Variants in ZSWIM6 observed in about 807,000 individuals in gnomAD.
ZSWIM6 encodes zinc finger SWIM-type containing 6.
A neutral mutation model predicts 113.2 loss-of-function variants in ZSWIM6; 9 were observed. The ratio of observed to expected loss-of-function variants is 0.08; its 90% confidence interval spans 0.05 to 0.14. The LOEUF (loss-of-function observed/expected upper bound fraction) is 0.14. Ranked by LOEUF, ZSWIM6 falls within the 10% of genes least tolerant of loss-of-function variation. The pLI is 1.00. For synonymous variants in ZSWIM6, 611 were observed against 606.5 expected (o/e 1.01, Z -0.11); for missense variants, 1,162 against 1,552.2 (o/e 0.75, Z 4.22).
intron 1 of ZSWIM6, among the ~76,000 whole-genome samples, chr5:61,371,860 C>T (rs1271903708): frequency 2.0e-5 from 3 of 152,076 alleles, no homozygotes; most frequent in African/African-American, 7.2e-5. Flanking sequence ...ATTATCCTCC[C>T]TCACCTGAAT....
rs191143469 is a variant in ZSWIM6, at chr5:61,390,116, C to T, written c.676+57168C>T. Among the ~76,000 whole-genome samples the T allele has an allele frequency of 3.3e-4, 51 of 152,282 alleles. No homozygotes were observed. In the East Asian group the frequency reaches 4.6e-3, roughly 14 times the overall value. On this transcript the variant is annotated intron_variant, in intron 1 of 13. Coordinates refer to ENST00000252744, the MANE Select transcript of ZSWIM6 (RefSeq NM_020928.2). ...CCTGCCTATCTGCCTGCCAGCCAGT[C>T]GTCTGCCTGTCTACGTATACATCAC...
chr5:61,526,403 G>A lies in ZSWIM6; in HGVS notation c.1837+7G>A. On this transcript the variant is annotated splice_region_variant and intron_variant, in intron 7 of 13. Transcript: ENST00000252744. The stretch of plus-strand genomic sequence containing the variant: ...TTCCGAACCCAAAAAAAAGGTGAAT[G>A]TGAAGGAGTTTGTTTCCATTGGAAT... 1 of 1,551,932 alleles carries A rather than the reference G, an allele frequency of 6.4e-7. No individual in the cohort carries two copies. Among genetic ancestry groups the A allele is most frequent in the Non-Finnish European group, 8.7e-7 (1 of 1,146,954 alleles).
intron 7 of ZSWIM6, among the ~76,000 whole-genome samples, chr5:61,527,166 T>C (rs1749307834): frequency 6.6e-6 from 1 of 152,194 alleles, no homozygotes; most frequent in Non-Finnish European, 1.5e-5. Flanking sequence ...TTGAATTACA[T>C]GCACAAGACC....
At chr5:61,470,306 G>T (rs369582575) in intron 1 of ZSWIM6, among the ~76,000 whole-genome samples, 171 of 152,308 alleles carry the variant, frequency 1.1e-3, no homozygotes, top group African/African-American at 4.0e-3. Flanking sequence ...GTTTCCCCGT[G>T]CAAGTACATA....
chr5:61,379,220 A>C (rs1214754793), intron 1 of ZSWIM6, among the ~76,000 whole-genome samples: 2 of 151,696 alleles, frequency 1.3e-5, no homozygotes, highest in African/African-American at 2.4e-5. Context: ...GAATGTAAAA[A>C]GATAAATAAA....
At chr5:61,408,681 T>C (rs1746089349) in intron 1 of ZSWIM6, among the ~76,000 whole-genome samples, 1 of 152,242 alleles carries the variant, frequency 6.6e-6, no homozygotes, top group Admixed American at 6.5e-5. Context: ...AAGGGCATTA[T>C]GCAAGCTGTT....
In ZSWIM6 at chr5:61,527,349, G is replaced by T. The variant is rs557905452; in HGVS notation, c.1837+953G>T. On this transcript the variant is annotated intron_variant, in intron 7 of 13. Coordinates refer to ENST00000252744, the MANE Select transcript of ZSWIM6 (RefSeq NM_020928.2). ...GTTGCTGGGTTTTTGTTTTGGTTTT[G>T]GTTTTGGTTATATTTTTGTTTTTAA... is the stretch of plus-strand genomic sequence containing the variant. Among the ~76,000 whole-genome samples, 59 of 152,120 alleles carry T rather than the reference G, an allele frequency of 3.9e-4. 1 individual carries two copies. The highest frequency in any genetic ancestry group is 8.3e-4 in the South Asian group (4 of 4,814).
chr5:61,343,077 C>A (rs1027241488), intron 1 of ZSWIM6, among the ~76,000 whole-genome samples: 42 of 152,164 alleles, frequency 2.8e-4, no homozygotes, highest in African/African-American at 9.9e-4. Flanking sequence ...TTAAATATCT[C>A]ATTTTAAGGT....
chr5:61,391,224 C>T (rs1188848777), intron 1 of ZSWIM6: 1 of 899,344 alleles, frequency 1.1e-6, no homozygotes, highest in East Asian at 2.4e-5. Context: ...TGACGTCGAT[C>T]ATCTTGTCCT....
chr5:61,468,722 C>T (rs756805928), intron 1 of ZSWIM6, among the ~76,000 whole-genome samples: 2 of 152,100 alleles, frequency 1.3e-5, no homozygotes, highest in Non-Finnish European at 2.9e-5. Flanking sequence ...GGAACAGTGT[C>T]CTTGTTTGTC....
chr5:61,528,974 A>G (rs1469603307), intron 7 of ZSWIM6, among the ~76,000 whole-genome samples: 2 of 152,250 alleles, frequency 1.3e-5, no homozygotes, highest in Non-Finnish European at 2.9e-5. Flanking sequence ...GGCTCTTCAG[A>G]TATTTACATG....
intron 1 of ZSWIM6, among the ~76,000 whole-genome samples, chr5:61,402,613 A>G (rs1745961031): frequency 6.6e-6 from 1 of 152,200 alleles, no homozygotes; most frequent in Non-Finnish European, 1.5e-5. Flanking sequence ...CTTTCTTCAG[A>G]GAATAAGATA....
rs377426702 is a variant in ZSWIM6 at position 61,492,267 on chromosome 5, G to A, written c.1182+1333G>A. ...TTTAGTATATTTAGACACACAGGAAGTATTTCATATATTCTTATGTTAGAA... is the reference window on the plus strand; with the variant it reads ...TTTAGTATATTTAGACACACAGGAAATATTTCATATATTCTTATGTTAGAA... On this transcript the variant is annotated intron_variant, in intron 3 of 13. Transcript: ENST00000252744. Among the ~76,000 whole-genome samples, 120 of 152,178 alleles carry A rather than the reference G, an allele frequency of 7.9e-4. No individual in the cohort carries two copies. In the Middle Eastern group the frequency reaches 0.01, roughly 13 times the overall value.
Position 61,391,615 on chromosome 5 carries a change from A to G in ZSWIM6, c.676+58667A>G, listed in dbSNP as rs1038257270. On this transcript the variant is annotated intron_variant, in intron 1 of 13. Transcript: ENST00000252744. ...TTCCACGAAGCCCACAATGGCCACA[A>G]CCACCATGGGTGGTATCTCCACAAT... is the stretch of plus-strand genomic sequence containing the variant. 17 of 913,772 alleles carry G rather than the reference A, an allele frequency of 1.9e-5. No homozygotes were observed. In the South Asian group the frequency reaches 1.9e-4, roughly 10 times the overall value. 56.6% of individuals were successfully genotyped at this position (913,772 alleles called of 1,614,324 possible).
intron 1 of ZSWIM6, among the ~76,000 whole-genome samples, chr5:61,374,256 C>G (rs1579960265): frequency 6.6e-6 from 1 of 152,154 alleles, no homozygotes; most frequent in Non-Finnish European, 1.5e-5. Context: ...ATGCCTGTGT[C>G]TTTAGCTTCC....
chr5:61,447,953 C>T (rs1747000979), intron 1 of ZSWIM6, among the ~76,000 whole-genome samples: 2 of 152,156 alleles, frequency 1.3e-5, no homozygotes, highest in Admixed American at 1.3e-4. Context: ...AGAAGTTGGT[C>T]AGCAGGAAGC....
intron 4 of ZSWIM6, among the ~76,000 whole-genome samples, chr5:61,498,230 C>A (rs1580042410): frequency 6.6e-6 from 1 of 152,166 alleles, no homozygotes; most frequent in Non-Finnish European, 1.5e-5. Flanking sequence ...TCAACTGTTA[C>A]ATAATATGTT....
chr5:61,483,093 T>C (rs962011809), intron 2 of ZSWIM6, among the ~76,000 whole-genome samples: 3 of 152,128 alleles, frequency 2.0e-5, no homozygotes, highest in Non-Finnish European at 4.4e-5. Flanking sequence ...AGTTATTTCT[T>C]ATAGTTCTTG....
At chr5:61,523,806 T>A (rs1696105223) in intron 5 of ZSWIM6, among the ~76,000 whole-genome samples, 1 of 152,254 alleles carries the variant, frequency 6.6e-6, no homozygotes, top group South Asian at 2.1e-4. Context: ...GTATTTAGCC[T>A]CTTTTGTTGT....
Sources: gnomAD v4.1 joint callset for allele counts (sites outside exome capture counted in the v4.1 genomes callset) on GRCh38, gnomAD v4.1.1 for gene constraint, MANE v1.5 for transcripts, NCBI Gene and HGNC (gene_info 2026-07-23, HGNC 2026-07-21) for gene names.